The following XYLT1 variants were observed in gnomAD, a reference collection of about 807,000 sequenced individuals.
XYLT1 encodes xylosyltransferase 1.
XYLT1 carries 36 observed loss-of-function variants against 91.3 expected under a neutral mutation model. The observed-to-expected ratio is 0.39, with a 90% CI of 0.30 to 0.52. XYLT1 has a LOEUF of 0.52. XYLT1 is among the 20% of genes least tolerant of loss of function. XYLT1 has a pLI of 0.68. For synonymous variants in XYLT1, 588 were observed against 532.0 expected (o/e 1.11, Z -1.45); for missense variants, 1,242 against 1,284.5 (o/e 0.97, Z 0.51).
intron 1 of XYLT1, among the ~76,000 whole-genome samples, chr16:17,456,246 A>G (rs764331732): frequency 8.2e-5 from 12 of 146,992 alleles, no homozygotes; most frequent in Admixed American, 2.1e-4. Flanking sequence ...TGTACATTCT[A>G]TGTGGTGGTT....
intron 3 of XYLT1, among the ~76,000 whole-genome samples, chr16:17,252,493 C>T (rs2033557099): frequency 6.6e-6 from 1 of 152,154 alleles, no homozygotes. Context: ...GTCCCTTCCC[C>T]ACACCTCACT....
chr16:17,449,816 T>A (rs913227939), intron 1 of XYLT1, among the ~76,000 whole-genome samples: 1 of 152,242 alleles, frequency 6.6e-6, no homozygotes, highest in Non-Finnish European at 1.5e-5. Flanking sequence ...GCATGATTCC[T>A]TGTTCTAGAA....
intron 5 of XYLT1, among the ~76,000 whole-genome samples, chr16:17,163,507 C>T (rs1051844373): frequency 2.6e-5 from 4 of 152,206 alleles, no homozygotes; most frequent in African/African-American, 4.8e-5. Flanking sequence ...TCTGGGCTCC[C>T]GGTGCCCACC....
At chr16:17,407,641 A>G (rs142145179) in intron 1 of XYLT1, among the ~76,000 whole-genome samples, 5,726 of 152,224 alleles carry the variant, frequency 0.038, 145 homozygotes, top group Middle Eastern at 0.078. Flanking sequence ...TGTGACCCCT[A>G]CTAAAATAAC....
intron 2 of XYLT1, among the ~76,000 whole-genome samples, chr16:17,281,355 G>C (rs1269499168): frequency 6.6e-6 from 1 of 152,188 alleles, no homozygotes; most frequent in Non-Finnish European, 1.5e-5. Flanking sequence ...ACCCGGGGTT[G>C]TGACACTGCT....
intron 7 of XYLT1, 174 bp from the exon 8 acceptor site, chr16:17,138,705 C>CAAAT (rs2030863980): frequency 3.3e-6 from 2 of 605,476 alleles, no homozygotes. Context: ...AACTGCAAGC[C>CAAAT]AAATAAACCT....
intron 2 of XYLT1, among the ~76,000 whole-genome samples, chr16:17,318,429 C>T (rs2034668461): frequency 6.6e-6 from 1 of 152,324 alleles, no homozygotes; most frequent in South Asian, 2.1e-4. Context: ...TTTTGTAAAT[C>T]ACTTCCTAAG....
At chr16:17,414,618 C>T (rs1328263327) in intron 1 of XYLT1, among the ~76,000 whole-genome samples, 1 of 152,118 alleles carries the variant, frequency 6.6e-6, no homozygotes, top group African/African-American at 2.4e-5. Flanking sequence ...CACAGGAAGC[C>T]CTGACACACA....
chr16:17,393,494 C>T (rs1362343642), intron 1 of XYLT1, among the ~76,000 whole-genome samples: 1 of 152,138 alleles, frequency 6.6e-6, no homozygotes, highest in Non-Finnish European at 1.5e-5. Flanking sequence ...TATCTCATTC[C>T]ACACTCAATG....
rs185481183 is a variant in XYLT1, at chr16:17,379,011, A to G, written c.364-20961T>C. On this transcript the variant is annotated intron_variant, in intron 1 of 11. Transcript: ENST00000261381. ...CACTTTGCAAAGTTACTGAGATTCA[A>G]CAGCTTTGTCTGCTAAATGGGCACA... is the stretch of plus-strand genomic sequence containing the variant. Among the ~76,000 whole-genome samples, 276 of 152,352 alleles carry G rather than the reference A, an allele frequency of 1.8e-3. 3 individuals are homozygous for G. Among genetic ancestry groups the G allele is most frequent in the African/African-American group, 6.4e-3 (268 of 41,584 alleles).
chr16:17,387,753 C>T (rs1035416483), intron 1 of XYLT1, among the ~76,000 whole-genome samples: 2 of 152,184 alleles, frequency 1.3e-5, no homozygotes, highest in Non-Finnish European at 2.9e-5. Context: ...AGAGCAGCTC[C>T]AGTCTTGCCC....
At chr16:17,308,966 G>A (rs1010893372) in intron 2 of XYLT1, among the ~76,000 whole-genome samples, 6 of 151,730 alleles carry the variant, frequency 4.0e-5, no homozygotes, top group Admixed American at 2.0e-4. Context: ...AAAGAGGAAC[G>A]TAAACGTGAG....
intron 1 of XYLT1, among the ~76,000 whole-genome samples, chr16:17,395,992 G>C (rs2035881032): frequency 6.6e-6 from 1 of 152,146 alleles, no homozygotes; most frequent in South Asian, 2.1e-4. Flanking sequence ...TGGATTTTAG[G>C]GCTGCTAAGA....
intron 1 of XYLT1, among the ~76,000 whole-genome samples, chr16:17,406,418 G>A (rs2036033485): frequency 6.6e-6 from 1 of 152,200 alleles, no homozygotes; most frequent in Non-Finnish European, 1.5e-5. Context: ...GTGCTCCAGT[G>A]AGGTCTCTCC....
In XYLT1 at chr16:17,470,778, C is replaced by A. The variant is rs1324680417; in HGVS notation, c.19G>T (p.Ala7Ser). Residue 7 changes from alanine to serine, a missense_variant, in exon 1 of 12, where the codon GCC (alanine) becomes TCC (serine). Transcript: ENST00000261381. ...TGCGAGCGCCGGGCCAGCCTCCGGG[C>A]GCACGGCGCCGCCACCATCTTCGGA... MVAAPC[A>S]RRLARRSHSA... The A allele has an allele frequency of 1.1e-5, 11 of 1,037,506 alleles. No homozygotes were observed. Among genetic ancestry groups the A allele is most frequent in the Non-Finnish European group, 1.3e-5 (11 of 862,506 alleles). The allele number at this position is 1,037,506 out of a possible 1,614,324, so 64.3% of individuals were successfully genotyped here.
At chr16:17,429,402 C>T (rs919448663) in intron 1 of XYLT1, among the ~76,000 whole-genome samples, 3 of 152,198 alleles carry the variant, frequency 2.0e-5, no homozygotes, top group African/African-American at 7.2e-5. Context: ...GTTAACTCAA[C>T]GGCAAGTATG....
At chr16:17,179,210 G>A (rs919271074) in intron 5 of XYLT1, among the ~76,000 whole-genome samples, 6 of 152,154 alleles carry the variant, frequency 3.9e-5, no homozygotes, top group Admixed American at 3.9e-4. Context: ...ACAAAGAAGG[G>A]AAGGGTAGAC....
intron 2 of XYLT1, among the ~76,000 whole-genome samples, chr16:17,339,679 C>T (rs769253333): frequency 2.0e-5 from 3 of 152,210 alleles, no homozygotes; most frequent in Non-Finnish European, 2.9e-5. Context: ...GAAGGTGACA[C>T]TATCCTGCTG....
intron 6 of XYLT1, among the ~76,000 whole-genome samples, chr16:17,155,683 T>C (rs910082754): frequency 5.3e-5 from 8 of 152,218 alleles, no homozygotes; most frequent in African/African-American, 1.9e-4. Context: ...GCTGAATCAC[T>C]GCCCTAACTT....
Sources: allele counts gnomAD v4.1 joint callset (sites outside exome capture counted in the v4.1 genomes callset), GRCh38; gene constraint gnomAD v4.1.1; transcripts MANE v1.5; gene names NCBI Gene and HGNC (gene_info 2026-07-23, HGNC 2026-07-21).